Variants in MCC observed in about 807,000 individuals in gnomAD.
MCC encodes the protein MCC regulator of Wnt signaling pathway, also known as colorectal mutant cancer protein.
A neutral mutation model predicts 116.2 loss-of-function variants in MCC; 90 were observed. The ratio of observed to expected loss-of-function variants is 0.77; its 90% CI spans 0.65 to 0.92. MCC has a LOEUF of 0.92. Among genes scored for constraint, MCC ranks in the 40% least tolerant of loss-of-function variants. MCC has a pLI of 0.00. For missense variants in MCC, 1,516 were observed against 1,312.2 expected (o/e 1.16, Z -2.40); for synonymous variants, 578 against 510.5 (o/e 1.13, Z -1.78).
chr5:113,300,353 C>T (rs1766832411), intron 3 of MCC, among the ~76,000 whole-genome samples: 1 of 152,152 alleles, frequency 6.6e-6, no homozygotes, highest in African/African-American at 2.4e-5. Context: ...AGTACCCAAA[C>T]TCTAAAATTG....
At chr5:113,407,030 C>T (rs930912744) in intron 1 of MCC, among the ~76,000 whole-genome samples, 3 of 152,028 alleles carry the variant, frequency 2.0e-5, no homozygotes, top group Non-Finnish European at 4.4e-5. Context: ...TTTGGAAATC[C>T]TGGGCAACAT....
chr5:113,227,621 CAT>C (rs1369034927), intron 3 of MCC, among the ~76,000 whole-genome samples: 2 of 152,034 alleles, frequency 1.3e-5, no homozygotes, highest in South Asian at 2.1e-4. Context: ...TAAAGAAAAT[CAT>C]ATGTTTCTAT....
chr5:113,403,858 C>T (rs1769758773), intron 1 of MCC, among the ~76,000 whole-genome samples: 1 of 152,010 alleles, frequency 6.6e-6, no homozygotes, highest in Admixed American at 6.6e-5. Context: ...GTCAAAACTT[C>T]AGTTTGTTTC....
At chr5:113,172,927 T>C (rs1278127772) in intron 3 of MCC, among the ~76,000 whole-genome samples, 1 of 152,220 alleles carries the variant, frequency 6.6e-6, no homozygotes, top group Non-Finnish European at 1.5e-5. Context: ...TCTTGATTAT[T>C]TCAGGATAAA....
chr5:113,471,953 C>G (rs192906227), intron 1 of MCC, among the ~76,000 whole-genome samples: 3 of 152,094 alleles, frequency 2.0e-5, no homozygotes, highest in South Asian at 2.1e-4. Flanking sequence ...GGCGTGGGAC[C>G]CTTCGAGCCA....
At chr5:113,240,832 G>C (rs1448030263) in intron 3 of MCC, among the ~76,000 whole-genome samples, 3 of 152,198 alleles carry the variant, frequency 2.0e-5, no homozygotes, top group Non-Finnish European at 2.9e-5. Context: ...AGGACCAGAG[G>C]AGCTGAGAAC....
rs769629300 is a variant in MCC, at chr5:113,433,909, T to C, written c.171-48697A>G. On this transcript the variant is annotated intron_variant, in intron 1 of 18. Coordinates refer to ENST00000408903, the MANE Select transcript of MCC (RefSeq NM_001085377.2). ...TGTGCCTCTCCCTCAGGCTCCAGCT[T>C]GGTGGCAGACTTCTTGTCAGAGCCA... is the stretch of plus-strand genomic sequence containing the variant. 10 of 1,613,876 alleles carry C rather than the reference T, an allele frequency of 6.2e-6. No homozygotes were observed. The African/African-American group carries it at 1.2e-4, about 19-fold the overall frequency.
At chr5:113,316,454 C>T (rs1423372267) in intron 3 of MCC, among the ~76,000 whole-genome samples, 1 of 152,088 alleles carries the variant, frequency 6.6e-6, no homozygotes, top group African/African-American at 2.4e-5. Flanking sequence ...AGCCACTACC[C>T]ATGTCTTGAC....
At chr5:113,399,267 C>T (rs976110181) in intron 1 of MCC, among the ~76,000 whole-genome samples, 4 of 152,146 alleles carry the variant, frequency 2.6e-5, no homozygotes, top group Admixed American at 6.5e-5. Context: ...AGGCGGATCA[C>T]GAGATCAGGA....
intron 3 of MCC, chr5:113,294,234 T>A (rs750455553): frequency 2.0e-6 from 3 of 1,482,410 alleles, no homozygotes; most frequent in African/African-American, 1.4e-5. Context: ...CACAGGGGGA[T>A]AGGGTGTAGG....
At chr5:113,396,476 C>CAA (rs10632667) in intron 1 of MCC, among the ~76,000 whole-genome samples, 18,708 of 143,916 alleles carry the variant, frequency 0.13, 1,379 homozygotes, top group African/African-American at 0.19. Context: ...ACTAACAATA[C>CAA]AAAAAAAAAA....
intron 17 of MCC, among the ~76,000 whole-genome samples, chr5:113,043,017 C>T (rs955680927): frequency 6.6e-5 from 10 of 151,962 alleles, no homozygotes; most frequent in Non-Finnish European, 4.4e-5. Context: ...AGTGGAGATA[C>T]GGAAGACAGA....
At chr5:113,097,966 C>A (rs958885266) in intron 8 of MCC, among the ~76,000 whole-genome samples, 1 of 152,134 alleles carries the variant, frequency 6.6e-6, no homozygotes. Context: ...GCAGAAAATA[C>A]CCAGGTAGAG....
chr5:113,380,106 C>G (rs1421701034), intron 2 of MCC, among the ~76,000 whole-genome samples: 1 of 152,202 alleles, frequency 6.6e-6, no homozygotes, highest in Admixed American at 6.5e-5. Flanking sequence ...TTTGACTAGT[C>G]TTTTTCTGCC....
At chr5:113,469,757 G>A (rs1209526642) in intron 1 of MCC, among the ~76,000 whole-genome samples, 6 of 152,186 alleles carry the variant, frequency 3.9e-5, no homozygotes, top group Non-Finnish European at 7.3e-5. Flanking sequence ...CTGTCTCGTT[G>A]ATCTGTCTAA....
In MCC at chr5:113,143,333, G is replaced by T. The variant is rs745844356; in HGVS notation, c.769C>A (p.His257Asn). Reference sequence around the variant, plus strand: ...GTCGTTCGCTCCTGGACATCCTCATGCTCTCTCATGAGGTGGGACTGCTCG... The same window carrying T: ...GTCGTTCGCTCCTGGACATCCTCATTCTCTCTCATGAGGTGGGACTGCTCG... The part of the protein sequence containing the change: ...QCEQSHLMRE[H>N]EDVQERTTLR... Residue 257 changes from histidine (H) to asparagine (N), a missense_variant, in exon 5 of 19, where the codon CAT (histidine) becomes AAT (asparagine). Physicochemically the swap from His to Asn is moderately conservative, Grantham distance 68. Transcript: ENST00000408903. 6.2e-6 allele frequency: 10 copies of T among 1,613,632 alleles called. No homozygotes were observed. Among genetic ancestry groups the T allele is most frequent in the Non-Finnish European group, 7.6e-6 (9 of 1,179,950 alleles).
intron 14 of MCC, among the ~76,000 whole-genome samples, chr5:113,060,334 T>C (rs903373664): frequency 6.6e-6 from 1 of 152,200 alleles, no homozygotes; most frequent in Non-Finnish European, 1.5e-5. Context: ...TTTGTATTTT[T>C]AATAGCAACA....
chr5:113,204,298 T>C (rs984986808), intron 3 of MCC, among the ~76,000 whole-genome samples: 14 of 152,208 alleles, frequency 9.2e-5, no homozygotes, highest in African/African-American at 2.4e-4. Flanking sequence ...ATGAAGGCCT[T>C]TGCACACAAA....
At chr5:113,247,522 C>T (rs1764622603) in intron 3 of MCC, among the ~76,000 whole-genome samples, 1 of 152,124 alleles carries the variant, frequency 6.6e-6, no homozygotes, top group African/African-American at 2.4e-5. Context: ...GAAATTTCTT[C>T]ACATGGAAGT....
Sources: gnomAD v4.1 joint callset for allele counts (sites outside exome capture counted in the v4.1 genomes callset) on GRCh38, gnomAD v4.1.1 for gene constraint, MANE v1.5 for transcripts, NCBI Gene and HGNC (gene_info 2026-07-23, HGNC 2026-07-21) for gene names.